APIP: variants seen among roughly 807,000 people sequenced by gnomAD.
The protein encoded by APIP is APAF1 interacting protein.
APIP carries 32 observed loss-of-function variants against 32.0 expected under a neutral mutation model. The observed-to-expected ratio is 1.00, with a 90% confidence interval of 0.76 to 1.34. The LOEUF (loss-of-function observed/expected upper bound fraction) is 1.34, where lower values mean the gene tolerates loss of function less well. Among genes scored for constraint, APIP ranks in the 40% most tolerant of loss-of-function variants. The pLI is 0.00. For missense variants in APIP, 247 were observed against 298.6 expected, an observed-to-expected ratio of 0.83 and a Z score of 1.27; for synonymous variants, 92 against 94.8, an observed-to-expected ratio of 0.97 and a Z score of 0.17.
rs1853687852 is a variant in APIP, at chr11:34,916,236, C to T, written c.49G>A (p.Gly17Ser). The T allele has an allele frequency of 6.2e-7, 1 of 1,611,902 alleles. No homozygotes were observed. The highest frequency in any genetic ancestry group is 8.5e-7 in the Non-Finnish European group (1 of 1,179,384). The stretch of plus-strand genomic sequence containing the variant: ...GGTGGCCCCGCCCCTACCTGCGCGC[C>T]GCATCTCCGGGAACAACAGTCTCCC... ...REGDCCSRRC[G>S]AQDKEHPRYL... is the part of the protein sequence containing the mutation. Residue 17 changes from glycine to serine, a missense_variant, in exon 1 of 7, where the codon GGC (glycine) becomes AGC (serine). Coordinates refer to ENST00000395787, the MANE Select transcript of APIP (RefSeq NM_015957.4).
chr11:34,900,546 A>G (rs908121408), intron 1 of APIP, among the ~76,000 whole-genome samples: 2 of 152,230 alleles, frequency 1.3e-5, no homozygotes, highest in Admixed American at 6.5e-5. Flanking sequence ...TAACTCAGGT[A>G]TTTGACCTCA....
chr11:34,899,403 T>C (rs1853339616), intron 1 of APIP, among the ~76,000 whole-genome samples: 1 of 152,222 alleles, frequency 6.6e-6, no homozygotes. Flanking sequence ...AAAATGGCCG[T>C]TTGGTTCCTA....
intron 4 of APIP, 118 bp downstream of exon 4, chr11:34,888,634 A>C: frequency 1.8e-6 from 2 of 1,115,602 alleles, no homozygotes; most frequent in Non-Finnish European, 1.3e-6. Context: ...AAGTTCATGC[A>C]CTTCAAGTTC....
chr11:34,915,593 T>TAA (rs1853659776), intron 1 of APIP, among the ~76,000 whole-genome samples: 1 of 152,182 alleles, frequency 6.6e-6, no homozygotes, highest in South Asian at 2.1e-4. Context: ...TCTGAGCGTG[T>TAA]AGAAGGCGCT....
chr11:34,887,233 T>C (rs2956092), intron 5 of APIP, among the ~76,000 whole-genome samples: 91,266 of 151,916 alleles, frequency 0.6, 28,459 homozygotes, highest in East Asian at 0.75. Flanking sequence ...TCTACCTTAC[T>C]TTTTCCAAAC....
chr11:34,890,160 A>G (rs1853161765), intron 3 of APIP, among the ~76,000 whole-genome samples: 1 of 152,148 alleles, frequency 6.6e-6, no homozygotes, highest in South Asian at 2.1e-4. Context: ...GGAAATATGA[A>G]TTAATTTGGT....
chr11:34,888,446 A>G lies in APIP; in HGVS notation c.326-18T>C. ...ACCTGCTCCTGAAGGAGGAAGAAGA[A>G]AGCCGCATGCTCAATGAAGACTGAA... On this transcript the variant is annotated intron_variant, in intron 4 of 6. Transcript: ENST00000395787. 1 of 1,602,580 alleles carries G rather than the reference A, an allele frequency of 6.2e-7. No individual in the cohort carries two copies. The highest frequency in any genetic ancestry group is 8.5e-7 in the Non-Finnish European group (1 of 1,176,560).
At chr11:34,915,303 T>C (rs1359139884) in intron 1 of APIP, among the ~76,000 whole-genome samples, 1 of 152,242 alleles carries the variant, frequency 6.6e-6, no homozygotes, top group Non-Finnish European at 1.5e-5. Context: ...TGCAGCATTC[T>C]ATTTTCAGAG....
intron 1 of APIP, 130 bp from the exon 2 acceptor site, chr11:34,895,240 GA>G: frequency 1.4e-6 from 1 of 726,642 alleles, no homozygotes. Flanking sequence ...TACAGTGAAG[GA>G]AAAAACTATT....
intron 1 of APIP, among the ~76,000 whole-genome samples, chr11:34,912,389 G>A (rs1853568364): frequency 6.6e-6 from 1 of 152,170 alleles, no homozygotes. Flanking sequence ...GTTTTGGTGA[G>A]CAAGTCTTCC....
At chr11:34,885,359 G>A (rs1853049155) in intron 5 of APIP, among the ~76,000 whole-genome samples, 1 of 151,388 alleles carries the variant, frequency 6.6e-6, no homozygotes, top group African/African-American at 2.4e-5. Context: ...ATATGATGGT[G>A]GTCCTATAAG....
rs189582960 is a variant in APIP at position 34,913,696 on chromosome 11, C to T, written c.57+2532G>A. Among the ~76,000 whole-genome samples the T allele has an allele frequency of 4.6e-5, 7 of 152,268 alleles. No homozygotes were observed. In the East Asian group the frequency reaches 7.7e-4, roughly 17 times the overall value. On this transcript the variant is annotated intron_variant, in intron 1 of 6. Coordinates refer to ENST00000395787, the MANE Select transcript of APIP (RefSeq NM_015957.4). ...CTGGAAGGTGACCGAGGGGGGTTGC[C>T]GCTGCTGGCTCTGGTGGCCAGCTTT... is the stretch of plus-strand genomic sequence containing the variant.
chr11:34,888,474 A>G (rs374612734), intron 4 of APIP, 46 bp from the exon 5 acceptor site: 1 of 1,582,156 alleles, frequency 6.3e-7, no homozygotes, highest in African/African-American at 1.4e-5. Context: ...AGACTGAATT[A>G]TAGCTTTTAA....
In APIP at chr11:34,916,295, A is replaced by AG; in HGVS notation, c.-12dup. On this transcript the variant is annotated 5_prime_UTR_variant, in exon 1 of 7. Transcript: ENST00000395787. ...ATCACAGCCAGACATGGCCCAGACCAGGGACCCGCGCGGCCTCCAATCTCC... is the reference window on the plus strand; with the variant it reads ...ATCACAGCCAGACATGGCCCAGACCAGGGGACCCGCGCGGCCTCCAATCTCC... 6.2e-7 allele frequency: 1 copy of AG among 1,611,676 alleles called. No individual in the cohort carries two copies. Among genetic ancestry groups the AG allele is most frequent in the African/African-American group, 1.3e-5 (1 of 75,026 alleles).
chr11:34,902,962 CTAATCCTGGGAAATGATTTAACTGTTTA>C (rs141131086), intron 1 of APIP, among the ~76,000 whole-genome samples: 28,518 of 151,836 alleles, frequency 0.19, 3,841 homozygotes, highest in African/African-American at 0.39. Flanking sequence ...AGCCTCCAAA[CTAATCCTGGGAAATGATTTAACTGTTTA>C]TAATCCTGGG....
intron 5 of APIP, among the ~76,000 whole-genome samples, chr11:34,884,970 T>C (rs571289149): frequency 6.6e-6 from 1 of 151,880 alleles, no homozygotes; most frequent in Non-Finnish European, 1.5e-5. Context: ...AGAGCCAGGA[T>C]AGCCCTTTGA....
intron 1 of APIP, among the ~76,000 whole-genome samples, chr11:34,899,445 T>C (rs1453444483): frequency 6.6e-6 from 1 of 152,218 alleles, no homozygotes; most frequent in Non-Finnish European, 1.5e-5. Flanking sequence ...CTGTCTCTGA[T>C]TAAGGTAGTA....
At chr11:34,898,783 TTGG>T (rs1853324463) in intron 1 of APIP, among the ~76,000 whole-genome samples, 1 of 123,322 alleles carries the variant, frequency 8.1e-6, no homozygotes, top group Non-Finnish European at 1.6e-5. Flanking sequence ...ATTTCTTTCT[TTGG>T]TTTTTTTTTT....
Position 34,916,339 on chromosome 11 carries a change from C to G in APIP, c.-55G>C. On this transcript the variant is annotated 5_prime_UTR_variant, in exon 1 of 7. Transcript: ENST00000395787. Reference sequence around the variant, plus strand: ...AATCTCCGCACGGCTTTGCGCGCGGCGCTTAGCCTGGGATACGGCAGCGAG... The same window carrying G: ...AATCTCCGCACGGCTTTGCGCGCGGGGCTTAGCCTGGGATACGGCAGCGAG... The G allele has an allele frequency of 1.3e-6, 2 of 1,598,356 alleles. No homozygotes were observed. The highest frequency in any genetic ancestry group is 1.3e-5 in the African/African-American group (1 of 74,692).
Sources: allele counts gnomAD v4.1 joint callset (sites outside exome capture counted in the v4.1 genomes callset), GRCh38; gene constraint gnomAD v4.1.1; transcripts MANE v1.5; gene names NCBI Gene and HGNC (gene_info 2026-07-23, HGNC 2026-07-21).